The following TMEM131L variants were observed in gnomAD, a reference collection of about 807,000 sequenced individuals.
TMEM131L encodes the protein transmembrane protein 131-like.
TMEM131L carries 54 observed loss-of-function variants against 192.2 expected under a neutral mutation model. The ratio of observed to expected loss-of-function variants is 0.28; its 90% CI spans 0.23 to 0.35. The LOEUF is 0.35. Among genes scored for constraint, TMEM131L ranks in the 10% least tolerant of loss-of-function variants. The pLI is 1.00. For missense variants in TMEM131L, 1,888 were observed against 1,972.9 expected (o/e 0.96, Z 0.82); for synonymous variants, 701 against 704.9 (o/e 0.99, Z 0.09).
Position 153,586,308 on chromosome 4 carries a change from A to G in TMEM131L, c.1411A>G (p.Asn471Asp), listed in dbSNP as rs1578804902. 1.9e-6 allele frequency: 3 copies of G among 1,605,222 alleles called. No individual in the cohort carries two copies. In the East Asian group the frequency reaches 6.8e-5, roughly 36 times the overall value. Residue 471 changes from asparagine to aspartate, a missense_variant, in exon 14 of 35, where the codon AAT becomes GAT. Physicochemically the swap from Asn to Asp is conservative, Grantham distance 23 (BLOSUM62 1). Transcript: ENST00000409959. ...VKDIAINLFT[N>D]VFLTTNIGAI... is the part of the protein sequence containing the mutation. Reference sequence around the variant, plus strand: ...AGACATTGCCATAAATCTATTCACCAATGTATTTTTGACTACAAACATAGG... The same window carrying G: ...AGACATTGCCATAAATCTATTCACCGATGTATTTTTGACTACAAACATAGG...
intron 31 of TMEM131L, among the ~76,000 whole-genome samples, chr4:153,629,814 C>T (rs1362105347): frequency 6.6e-6 from 1 of 152,196 alleles, no homozygotes; most frequent in Admixed American, 6.5e-5. Context: ...CCCATCTCCC[C>T]ACCTCATGAC....
intron 31 of TMEM131L, among the ~76,000 whole-genome samples, chr4:153,629,508 CA>C (rs1734071785): frequency 6.6e-6 from 1 of 152,158 alleles, no homozygotes; most frequent in Non-Finnish European, 1.5e-5. Context: ...CAACAATAGC[CA>C]AAGCTCTCTC....
At chr4:153,567,447 T>C (rs1374099784) in intron 7 of TMEM131L, among the ~76,000 whole-genome samples, 1 of 152,166 alleles carries the variant, frequency 6.6e-6, no homozygotes, top group Admixed American at 6.5e-5. Flanking sequence ...GAGTTTTTTG[T>C]CCTACCTCCA....
intron 3 of TMEM131L, among the ~76,000 whole-genome samples, chr4:153,529,037 A>C (rs1735704421): frequency 6.6e-6 from 1 of 151,774 alleles, no homozygotes; most frequent in Non-Finnish European, 1.5e-5. Context: ...TTTTATCCCC[A>C]CTGTCCAGAG....
At chr4:153,547,121 A>G (rs1329790936) in intron 3 of TMEM131L, among the ~76,000 whole-genome samples, 1 of 152,230 alleles carries the variant, frequency 6.6e-6, no homozygotes, top group Non-Finnish European at 1.5e-5. Flanking sequence ...GAGAAAAATA[A>G]CTTATTTTAT....
Position 153,598,617 on chromosome 4 carries a change from T to G in TMEM131L, c.2151T>G (p.Ile717Met). ...IRNNLTVIDM[I>M]GVEGFGAREL... ...ATAACTTGACTGTTATTGACATGATTGGCGTGGAAGGATTTGGAGCAAGAG... is the reference window on the plus strand; with the variant it reads ...ATAACTTGACTGTTATTGACATGATGGGCGTGGAAGGATTTGGAGCAAGAG... The change falls in exon 21 of 35, where the codon ATT (isoleucine) becomes ATG (methionine). Residue 717 changes from isoleucine (I) to methionine (M), a missense_variant. Ile to Met is a conservative substitution (Grantham distance 10). Transcript: ENST00000409959. 2 of 1,613,928 alleles carry G rather than the reference T, an allele frequency of 1.2e-6. No homozygotes were observed.
intron 3 of TMEM131L, among the ~76,000 whole-genome samples, chr4:153,516,274 G>C (rs188139089): frequency 7.6e-4 from 115 of 152,056 alleles, no homozygotes; most frequent in African/African-American, 2.7e-3. Flanking sequence ...TTTTCACCCA[G>C]GCTGGATTGC....
chr4:153,619,982 A>G (rs1733274282), intron 26 of TMEM131L, among the ~76,000 whole-genome samples: 1 of 152,090 alleles, frequency 6.6e-6, no homozygotes, highest in Non-Finnish European at 1.5e-5. Context: ...AGCTACCACC[A>G]CCGCCCACCC....
intron 3 of TMEM131L, among the ~76,000 whole-genome samples, chr4:153,505,705 T>C (rs561852752): frequency 6.6e-6 from 1 of 152,304 alleles, no homozygotes; most frequent in Admixed American, 6.5e-5. Context: ...ACTATAATTT[T>C]ATTTCCCAGC....
chr4:153,467,263 A>C lies in TMEM131L; in HGVS notation c.177A>C (p.Glu59Asp). The C allele has an allele frequency of 6.4e-7, 1 of 1,551,174 alleles. No individual in the cohort carries two copies. Among genetic ancestry groups the C allele is most frequent in the Non-Finnish European group, 8.7e-7 (1 of 1,146,772 alleles). The change falls in exon 2 of 35, where the codon GAA becomes GAC. Residue 59 changes from glutamate to aspartate, a missense_variant. Physicochemically the swap from Glu to Asp is conservative, Grantham distance 45. Transcript: ENST00000409959. ...VVELWQAEEG[E>D]LLLPTQGDSE... ...AGCTGTGGCAGGCAGAAGAAGGGGA[A>C]CTCCTGCTGCCCACTCAGGTGAGGA...
intron 3 of TMEM131L, among the ~76,000 whole-genome samples, chr4:153,474,146 G>T (rs1223227890): frequency 6.6e-6 from 1 of 152,154 alleles, no homozygotes; most frequent in Non-Finnish European, 1.5e-5. Flanking sequence ...ATGTGCTTGT[G>T]CCCTCCCTCT....
intron 7 of TMEM131L, among the ~76,000 whole-genome samples, chr4:153,562,882 GA>G (rs1267044115): frequency 1.3e-5 from 2 of 152,192 alleles, no homozygotes; most frequent in Admixed American, 1.3e-4. Context: ...GAATCATTAT[GA>G]AAAAGAAAAC....
At chr4:153,505,490 T>C (rs745944991) in intron 3 of TMEM131L, among the ~76,000 whole-genome samples, 4 of 152,166 alleles carry the variant, frequency 2.6e-5, no homozygotes, top group Non-Finnish European at 5.9e-5. Context: ...CTTTACCTCT[T>C]TGAAGATCTT....
At chr4:153,539,286 T>A (rs1234748057) in intron 3 of TMEM131L, among the ~76,000 whole-genome samples, 1 of 152,154 alleles carries the variant, frequency 6.6e-6, no homozygotes, top group Non-Finnish European at 1.5e-5. Context: ...AGTGCCAGTG[T>A]TTGTTGGGTT....
chr4:153,620,822 T>C lies in TMEM131L; in HGVS notation c.3634T>C (p.Trp1212Arg), dbSNP rs138148626. The C allele has an allele frequency of 5.6e-6, 9 of 1,599,928 alleles. No homozygotes were observed. In the African/African-American group the frequency reaches 9.4e-5, roughly 17 times the overall value. Residue 1212 changes from tryptophan (W) to arginine (R), a missense_variant, in exon 27 of 35, where the codon TGG (tryptophan) becomes CGG (arginine). Physicochemically the swap from Trp to Arg is moderately radical, Grantham distance 101. Coordinates refer to ENST00000409959, the MANE Select transcript of TMEM131L (RefSeq NM_001131007.2). ...KREGNLQNLN[W>R]SKSRTCRKNK... Reference sequence around the variant, plus strand: ...AGAAGGAAATTTACAAAATTTAAATTGGAGTAAAAGTCGAACATGTAGAAA... The same window carrying C: ...AGAAGGAAATTTACAAAATTTAAATCGGAGTAAAAGTCGAACATGTAGAAA...
intron 9 of TMEM131L, among the ~76,000 whole-genome samples, chr4:153,582,845 A>G (rs1485581884): frequency 6.6e-6 from 1 of 152,120 alleles, no homozygotes. Context: ...TTTCTAATCA[A>G]CAGGAGAACA....
In TMEM131L at chr4:153,472,640, C is replaced by T. The variant is rs140794295; in HGVS notation, c.196-1205C>T. 5.9e-5 allele frequency among the ~76,000 whole-genome samples: 9 copies of T among 152,152 alleles called. No homozygotes were observed. The East Asian group carries it at 1.5e-3, about 26-fold the overall frequency. ...AGAGAATAAATTTATTTAGTCTGTT[C>T]GAAGGGCATACATGTTGTGTGGTGG... On this transcript the variant is annotated intron_variant, in intron 2 of 34. Transcript: ENST00000409959.
Position 153,557,040 on chromosome 4 carries a change from C to T in TMEM131L, c.507C>T (p.Ser169=). The change falls in exon 6 of 35, where the codon TCC becomes TCT. Residue 169 remains serine (S), a synonymous_variant. Coordinates refer to ENST00000409959, the MANE Select transcript of TMEM131L (RefSeq NM_001131007.2). ...CTGAAGAAGGAAGCATTGAAAGTTCCTTATTTATTAATACCTCTTCGTATG... is the reference window on the plus strand; with the variant it reads ...CTGAAGAAGGAAGCATTGAAAGTTCTTTATTTATTAATACCTCTTCGTATG... ...LPTEEGSIES[S]LFINTSSYGV... 1.9e-6 allele frequency: 3 copies of T among 1,584,054 alleles called. No homozygotes were observed. Among genetic ancestry groups the T allele is most frequent in the Non-Finnish European group, 2.6e-6 (3 of 1,154,346 alleles).
chr4:153,521,512 T>A (rs984508255), intron 3 of TMEM131L, among the ~76,000 whole-genome samples: 1 of 152,224 alleles, frequency 6.6e-6, no homozygotes, highest in African/African-American at 2.4e-5. Context: ...ATTTTTTAAA[T>A]TGGGGTACAA....
Sources: gnomAD v4.1 joint callset for allele counts (sites outside exome capture counted in the v4.1 genomes callset) on GRCh38, gnomAD v4.1.1 for gene constraint, MANE v1.5 for transcripts, NCBI Gene and HGNC (gene_info 2026-07-23, HGNC 2026-07-21) for gene names.